The following MEI4 variants were observed in gnomAD, a reference collection of about 807,000 sequenced individuals.
The protein encoded by MEI4 is meiosis-specific protein MEI4.
In MEI4, 27 loss-of-function variants were observed where a neutral mutation model predicts 31.4. The ratio of observed to expected loss-of-function variants is 0.86; its 90% CI spans 0.63 to 1.19. MEI4 has a LOEUF of 1.19. MEI4 is among the 50% of genes most tolerant of loss of function. The pLI, the probability that MEI4 is intolerant of heterozygous loss-of-function variation, is 0.00. For missense variants in MEI4, 329 were observed against 398.9 expected, an observed-to-expected ratio of 0.82 and a Z score of 1.49; for synonymous variants, 122 against 145.4, an observed-to-expected ratio of 0.84 and a Z score of 1.16.
intron 4 of MEI4, among the ~76,000 whole-genome samples, chr6:77,879,337 G>T (rs904797404): frequency 6.6e-6 from 1 of 152,076 alleles, no homozygotes; most frequent in Non-Finnish European, 1.5e-5. Context: ...GACATGAAAA[G>T]TATGTTTTAG....
intron 4 of MEI4, among the ~76,000 whole-genome samples, chr6:77,862,285 A>G (rs936174374): frequency 1.3e-5 from 2 of 152,220 alleles, no homozygotes; most frequent in African/African-American, 4.8e-5. Context: ...GCATTGCCTC[A>G]CCTGGGAAGT....
intron 3 of MEI4, among the ~76,000 whole-genome samples, chr6:77,813,699 T>C (rs1233327663): frequency 6.6e-6 from 1 of 152,076 alleles, no homozygotes; most frequent in Admixed American, 6.6e-5. Context: ...TGGTTGATTT[T>C]GAGTATTGCA....
At chr6:77,795,806 G>A (rs1414500608) in intron 3 of MEI4, among the ~76,000 whole-genome samples, 1 of 150,556 alleles carries the variant, frequency 6.6e-6, no homozygotes, top group African/African-American at 2.4e-5. Flanking sequence ...CCCAGGACCA[G>A]ATGGCTTTAT....
chr6:77,754,393 C>G (rs1767861466), intron 2 of MEI4, among the ~76,000 whole-genome samples: 1 of 152,144 alleles, frequency 6.6e-6, no homozygotes, highest in Admixed American at 6.6e-5. Context: ...CAATAAGTTC[C>G]TCATCTGCAC....
At chr6:77,779,197 A>G (rs902723511) in intron 3 of MEI4, among the ~76,000 whole-genome samples, 1 of 152,176 alleles carries the variant, frequency 6.6e-6, no homozygotes, top group Non-Finnish European at 1.5e-5. Context: ...AAAGAATTGG[A>G]GGATTAAAGC....
intron 2 of MEI4, among the ~76,000 whole-genome samples, chr6:77,710,539 A>AAAAG (rs532199340): frequency 0.071 from 8,482 of 119,258 alleles, 391 homozygotes; most frequent in Non-Finnish European, 0.097. Flanking sequence ...AAAAAAAAAA[A>AAAAG]AAAGAAAAGG....
chr6:77,740,438 G>T (rs1349598312), intron 2 of MEI4, among the ~76,000 whole-genome samples: 3 of 152,116 alleles, frequency 2.0e-5, no homozygotes, highest in African/African-American at 7.2e-5. Flanking sequence ...TACTGCAATT[G>T]AAGCCTTTTC....
chr6:77,812,246 A>C lies in MEI4; in HGVS notation c.769-16685A>C, dbSNP rs145883041. Among the ~76,000 whole-genome samples the C allele has an allele frequency of 1.4e-3, 212 of 152,284 alleles. 1 individual carries two copies. Among genetic ancestry groups the C allele is most frequent in the African/African-American group, 4.5e-3 (187 of 41,576 alleles). On this transcript the variant is annotated intron_variant, in intron 3 of 4. Transcript: ENST00000684080. ...AAGCAGCTGTTGCAAACTCATATGA[A>C]TAATTATTTTTTCCTATAATTGTTA...
chr6:77,724,816 T>A (rs1188096613), intron 2 of MEI4, among the ~76,000 whole-genome samples: 2 of 146,736 alleles, frequency 1.4e-5, no homozygotes, highest in Non-Finnish European at 3.0e-5. Context: ...TGTAATTGAT[T>A]ATAGTCAACA....
At position 77,761,470 on chromosome 6, in the gene MEI4, G is replaced by A; in HGVS notation, c.573G>A (p.Leu191=). The change falls in exon 3 of 5, where the codon CTG becomes CTA. Residue 191 remains leucine (L), a synonymous_variant. Coordinates refer to ENST00000684080, the MANE Select transcript of MEI4 (RefSeq NM_001322247.2). ...TCTCTGATTCTGTTTTTCAATTGCT[G>A]GATGGCCTGATCACTTTTTACCGTA... ...STVSDSVFQL[L]DGLITFYRNP... The A allele has an allele frequency of 6.5e-6, 8 of 1,232,086 alleles. No individual in the cohort carries two copies. The highest frequency in any genetic ancestry group is 8.1e-6 in the Non-Finnish European group (8 of 987,924). The allele number at this position is 1,232,086 out of a possible 1,614,324, so 76.3% of individuals were successfully genotyped here. A position where few individuals can be genotyped will look rare whatever the true frequency, so the allele number is the denominator to read the frequency against.
At chr6:77,781,103 G>T (rs752490689) in intron 3 of MEI4, among the ~76,000 whole-genome samples, 4 of 151,812 alleles carry the variant, frequency 2.6e-5, no homozygotes, top group Non-Finnish European at 5.9e-5. Flanking sequence ...TTGCTTTGCT[G>T]CCCAGGCTGT....
chr6:77,735,593 C>G (rs1329771970), intron 2 of MEI4, among the ~76,000 whole-genome samples: 1 of 152,052 alleles, frequency 6.6e-6, no homozygotes, highest in Non-Finnish European at 1.5e-5. Context: ...CCTCCCGTAG[C>G]TCGGAGTAAT....
chr6:77,695,033 A>C (rs1456356223), intron 2 of MEI4, among the ~76,000 whole-genome samples: 3 of 152,008 alleles, frequency 2.0e-5, no homozygotes, highest in Admixed American at 2.0e-4. Flanking sequence ...GCATTTTTTC[A>C]TATGTCTTTT....
chr6:77,710,577 A>T (rs1766441636), intron 2 of MEI4, among the ~76,000 whole-genome samples: 1 of 151,076 alleles, frequency 6.6e-6, no homozygotes, highest in Non-Finnish European at 1.5e-5. Context: ...AATTAGATTT[A>T]TAACATTAGT....
intron 1 of MEI4, among the ~76,000 whole-genome samples, chr6:77,655,525 T>A (rs1057024430): frequency 1.3e-5 from 2 of 152,230 alleles, no homozygotes; most frequent in Non-Finnish European, 2.9e-5. Context: ...TATGAAGAGT[T>A]GTCTTGGATG....
chr6:77,925,737 A>T lies in MEI4; in HGVS notation c.*2391A>T, dbSNP rs1361689064. The T allele has an allele frequency of 6.7e-6, 1 of 149,418 alleles. No individual in the cohort carries two copies. Among genetic ancestry groups the T allele is most frequent in the Non-Finnish European group, 1.5e-5 (1 of 67,364 alleles). The allele number at this position is 149,418 out of a possible 1,614,324, so 9.3% of individuals were successfully genotyped here. A position where few individuals can be genotyped will look rare whatever the true frequency, so the allele number is the denominator to read the frequency against. Reference sequence around the variant, plus strand: ...AGTGATGATAATTGCTATAACTCTTATACTATTTAATATAAGCTATAATAA... The same window carrying T: ...AGTGATGATAATTGCTATAACTCTTTTACTATTTAATATAAGCTATAATAA... On this transcript the variant is annotated 3_prime_UTR_variant, in exon 5 of 5. Transcript: ENST00000684080.
intron 2 of MEI4, among the ~76,000 whole-genome samples, chr6:77,732,214 T>C (rs1348867711): frequency 6.6e-6 from 1 of 151,846 alleles, no homozygotes; most frequent in Non-Finnish European, 1.5e-5. Flanking sequence ...TAAATTACCT[T>C]GGGCAGTATG....
At chr6:77,691,544 C>T (rs148573334) in intron 2 of MEI4, among the ~76,000 whole-genome samples, 2 of 152,154 alleles carry the variant, frequency 1.3e-5, no homozygotes, top group Non-Finnish European at 2.9e-5. Flanking sequence ...ATACATATTG[C>T]ATTCAGAATA....
intron 3 of MEI4, among the ~76,000 whole-genome samples, chr6:77,803,968 G>A (rs10943493): frequency 0.23 from 34,991 of 152,056 alleles, 4,478 homozygotes; most frequent in East Asian, 0.39. Context: ...CTCCAGTTGC[G>A]TGCTGGGAGA....
Sources: gnomAD v4.1 joint callset for allele counts (sites outside exome capture counted in the v4.1 genomes callset) on GRCh38, gnomAD v4.1.1 for gene constraint, MANE v1.5 for transcripts, NCBI Gene and HGNC (gene_info 2026-07-23, HGNC 2026-07-21) for gene names.